The following ARFIP1 variants were observed in gnomAD, a reference collection of about 807,000 sequenced individuals.
ARFIP1 encodes arfaptin-1.
In ARFIP1, 24 loss-of-function variants were observed where a neutral mutation model predicts 42.5. That is an observed-to-expected ratio of 0.57 (90% CI 0.41 to 0.80). The LOEUF (loss-of-function observed/expected upper bound fraction) is 0.80, where lower values mean the gene tolerates loss of function less well. ARFIP1 is among the 30% of genes least tolerant of loss of function. The pLI is 0.00. For synonymous variants in ARFIP1, 141 were observed against 153.7 expected (o/e 0.92, Z 0.61); for missense variants, 354 against 434.0 (o/e 0.82, Z 1.64).
chr4:152,787,794 C>T (rs1183371926), intron 1 of ARFIP1, among the ~76,000 whole-genome samples: 1 of 152,094 alleles, frequency 6.6e-6, no homozygotes, highest in Non-Finnish European at 1.5e-5. Flanking sequence ...CTGAAGATAC[C>T]TCATTATGCA....
chr4:152,904,178 G>A (rs59193485), intron 8 of ARFIP1, among the ~76,000 whole-genome samples: 20,196 of 121,430 alleles, frequency 0.17, 1,708 homozygotes, highest in African/African-American at 0.26. Context: ...ATGTGTGTGT[G>A]TGTATATATA....
intron 1 of ARFIP1, chr4:152,810,289 A>G (rs1223665421): frequency 6.6e-6 from 1 of 152,238 alleles, no homozygotes; most frequent in Non-Finnish European, 1.5e-5. Flanking sequence ...TAAATTTTCA[A>G]GAATTTGTAA....
intron 7 of ARFIP1, among the ~76,000 whole-genome samples, chr4:152,883,487 A>T (rs988997709): frequency 6.6e-6 from 1 of 152,116 alleles, no homozygotes; most frequent in South Asian, 2.1e-4. Flanking sequence ...ATTTATCCAG[A>T]TTATAACAAG....
intron 2 of ARFIP1, among the ~76,000 whole-genome samples, chr4:152,847,936 C>G (rs924027444): frequency 1.3e-5 from 2 of 152,180 alleles, no homozygotes; most frequent in Non-Finnish European, 2.9e-5. Context: ...CTTTCTCTAG[C>G]AAAATGTCCA....
At chr4:152,881,234 A>G in intron 6 of ARFIP1, 50 bp downstream of exon 6, 1 of 1,364,994 alleles carries the variant, frequency 7.3e-7, no homozygotes, top group Non-Finnish European at 1.0e-6. Flanking sequence ...TGATAATAGA[A>G]GTATTCTAAG....
At chr4:152,877,143 G>C (rs1001621200) in intron 5 of ARFIP1, among the ~76,000 whole-genome samples, 1 of 152,142 alleles carries the variant, frequency 6.6e-6, no homozygotes, top group African/African-American at 2.4e-5. Context: ...CCACCATCCT[G>C]CAGACCCCTG....
intron 1 of ARFIP1, among the ~76,000 whole-genome samples, chr4:152,797,235 A>G (rs1015499682): frequency 6.6e-6 from 1 of 152,204 alleles, no homozygotes. Context: ...GTCCATCTGT[A>G]CTTTAGTGAT....
intron 8 of ARFIP1, among the ~76,000 whole-genome samples, chr4:152,908,455 A>G (rs1254330187): frequency 2.0e-5 from 3 of 152,036 alleles, no homozygotes; most frequent in Non-Finnish European, 4.4e-5. Context: ...ACTAAAATAC[A>G]AAAAATTATC....
chr4:152,880,996 C>T lies in ARFIP1; in HGVS notation c.445C>T (p.Arg149Cys), dbSNP rs775001196. The T allele has an allele frequency of 8.1e-6, 13 of 1,613,488 alleles. No individual in the cohort carries two copies. Among genetic ancestry groups the T allele is most frequent in the Admixed American group, 5.0e-5 (3 of 59,970 alleles). ...ACAGATTATCTCTGAGAAGCTAGGC[C>T]GTGGCTCAAGAACTGTGGACCTTGA... The part of the protein sequence containing the change: ...TRQIISEKLG[R>C]GSRTVDLELE... The change falls in exon 6 of 9, where the codon CGT (arginine) becomes TGT (cysteine). Residue 149 changes from arginine (R) to cysteine (C), a missense_variant. Coordinates refer to ENST00000353617, the MANE Select transcript of ARFIP1 (RefSeq NM_001025595.3).
At chr4:152,907,909 A>C (rs182456191) in intron 8 of ARFIP1, among the ~76,000 whole-genome samples, 90 of 152,334 alleles carry the variant, frequency 5.9e-4, no homozygotes, top group Non-Finnish European at 1.1e-3. Flanking sequence ...TAGCGGTAAA[A>C]TTACAGTTCC....
In ARFIP1 at chr4:152,810,684, C is replaced by T. The variant is rs35625627; in HGVS notation, c.-9-18941C>T. On this transcript the variant is annotated intron_variant, in intron 1 of 8. Transcript: ENST00000353617. ...AAAAAATATTAGCTGGGCGTGGTGGCGGGTGCCTGTAGTCCCAGCTACTTG... is the reference window on the plus strand; with the variant it reads ...AAAAAATATTAGCTGGGCGTGGTGGTGGGTGCCTGTAGTCCCAGCTACTTG... Among the ~76,000 whole-genome samples, 1,397 of 151,948 alleles carry T rather than the reference C, an allele frequency of 9.2e-3. 14 individuals carry two copies. The highest frequency in any genetic ancestry group is 0.014 in the Non-Finnish European group (960 of 67,942).
At chr4:152,810,223 G>A (rs1471015818) in intron 1 of ARFIP1, 1 of 152,110 alleles carries the variant, frequency 6.6e-6, no homozygotes, top group African/African-American at 2.4e-5. Context: ...TTTCTAACTT[G>A]GAAATAATTC....
intron 2 of ARFIP1, among the ~76,000 whole-genome samples, chr4:152,845,161 A>C (rs1176465895): frequency 6.6e-6 from 1 of 152,238 alleles, no homozygotes; most frequent in Non-Finnish European, 1.5e-5. Flanking sequence ...AATCATGTGC[A>C]GAAGAATGAA....
At chr4:152,810,991 C>A (rs1013180610) in intron 1 of ARFIP1, among the ~76,000 whole-genome samples, 1 of 151,844 alleles carries the variant, frequency 6.6e-6, no homozygotes, top group Non-Finnish European at 1.5e-5. Context: ...CTTTTTCCTG[C>A]CTCTGGATTC....
At chr4:152,793,600 G>A (rs1731261792) in intron 1 of ARFIP1, among the ~76,000 whole-genome samples, 1 of 151,992 alleles carries the variant, frequency 6.6e-6, no homozygotes, top group Non-Finnish European at 1.5e-5. Flanking sequence ...GACACAATAA[G>A]AGATTAACAA....
intron 2 of ARFIP1, among the ~76,000 whole-genome samples, chr4:152,832,299 T>C (rs1731314456): frequency 6.6e-6 from 1 of 152,202 alleles, no homozygotes. Flanking sequence ...TGGTATCCCA[T>C]TGTGGTTATA....
intron 3 of ARFIP1, among the ~76,000 whole-genome samples, chr4:152,864,343 A>G (rs1303581002): frequency 6.6e-6 from 1 of 152,192 alleles, no homozygotes; most frequent in African/African-American, 2.4e-5. Flanking sequence ...CCAAATCAGC[A>G]ATTTGCTAGG....
chr4:152,886,800 A>C (rs371468496), intron 7 of ARFIP1, among the ~76,000 whole-genome samples: 74 of 152,080 alleles, frequency 4.9e-4, no homozygotes, highest in African/African-American at 1.7e-3. Context: ...GAACGTGGAA[A>C]GTGCTCACTT....
chr4:152,781,928 T>C (rs76604338), intron 1 of ARFIP1, among the ~76,000 whole-genome samples: 2,480 of 152,238 alleles, frequency 0.016, 66 homozygotes, highest in African/African-American at 0.055. Context: ...TGAATTTTTT[T>C]CCCCCCTGGG....
Sources: allele counts gnomAD v4.1 joint callset (sites outside exome capture counted in the v4.1 genomes callset), GRCh38; gene constraint gnomAD v4.1.1; transcripts MANE v1.5; gene names NCBI Gene and HGNC (gene_info 2026-07-23, HGNC 2026-07-21).